The following PLEKHB1 variants were observed in gnomAD, a reference collection of about 807,000 sequenced individuals.
PLEKHB1 encodes the protein pleckstrin homology domain containing B1, also known as pleckstrin homology domain-containing family B member 1.
PLEKHB1 carries 29 observed loss-of-function variants against 36.2 expected under a neutral mutation model. The ratio of observed to expected loss-of-function variants is 0.80; its 90% confidence interval spans 0.60 to 1.09. PLEKHB1 has a LOEUF of 1.09. PLEKHB1 is among the 50% of genes least tolerant of loss of function. The pLI, the probability that PLEKHB1 is intolerant of heterozygous loss-of-function variation, is 0.00. For synonymous variants in PLEKHB1, 138 were observed against 140.0 expected (o/e 0.99, Z 0.10); for missense variants, 330 against 348.2 (o/e 0.95, Z 0.42).
chr11:73,648,806 C>A, intron 1 of PLEKHB1: 2 of 1,323,298 alleles, frequency 1.5e-6, no homozygotes, highest in Non-Finnish European at 1.9e-6. Context: ...CACCCCACAC[C>A]AATGGCTGCC....
At chr11:73,651,683 A>G in intron 3 of PLEKHB1, 105 bp from the exon 4 acceptor site, 2 of 869,068 alleles carry the variant, frequency 2.3e-6, no homozygotes, top group Admixed American at 2.1e-5. Context: ...GGCAGTGGCC[A>G]GTAAACAGAG....
Position 73,652,956 on chromosome 11 carries a change from G to T in PLEKHB1, c.351-19G>T. On this transcript the variant is annotated intron_variant, in intron 4 of 7. Transcript: ENST00000354190. ...CCCCCAAACTCCCTCCTCATGGTCT[G>T]GTGGGATTTGCTTTGCAGAGCATGG... is the stretch of plus-strand genomic sequence containing the variant. The T allele has an allele frequency of 6.2e-7, 1 of 1,603,242 alleles. No homozygotes were observed. Among genetic ancestry groups the T allele is most frequent in the East Asian group, 2.2e-5 (1 of 44,486 alleles).
intron 2 of PLEKHB1, 36 bp from the exon 3 acceptor site, chr11:73,650,517 G>T (rs1216544208): frequency 7.0e-6 from 11 of 1,571,460 alleles, no homozygotes; most frequent in Middle Eastern, 3.4e-4. Flanking sequence ...CAGGCTCTGG[G>T]ATCAGCCTGC....
In PLEKHB1 at chr11:73,661,611, A is replaced by T; in HGVS notation, c.*9A>T. On this transcript the variant is annotated 3_prime_UTR_variant, in exon 8 of 8. Transcript: ENST00000354190. This position sits in a 1 kb window ranked among gnomAD's most constrained non-coding sequence, Gnocchi z 4.6. ...CGCCCTGCTGGTTCTGAGCCCTGGG[A>T]CTCGGAGCACTGACCCCTGCGCTTG... The T allele has an allele frequency of 6.4e-7, 1 of 1,567,608 alleles. No homozygotes were observed. The highest frequency in any genetic ancestry group is 8.6e-7 in the Non-Finnish European group (1 of 1,158,878).
chr11:73,647,524 C>T (rs1281466717), intron 1 of PLEKHB1: 1 of 984,506 alleles, frequency 1.0e-6, no homozygotes, highest in Middle Eastern at 5.2e-4. Flanking sequence ...TCCCAGTACG[C>T]CTCGGGTCAG....
chr11:73,646,621 G>A lies in PLEKHB1; in HGVS notation c.13G>A (p.Ala5Thr), dbSNP rs934147454. ...CCACCCAGGAACCATGAGCCCTGCA[G>A]CCCCGGTAAGGAAGAGTTCTCTGGG... Reference protein sequence around the residue: MSPAAPVPPDSALES... With the variant: MSPATPVPPDSALES... The change falls in exon 1 of 8, where the codon GCC becomes ACC. Residue 5 changes from alanine (A) to threonine (T), a missense_variant. Ala to Thr is a moderately conservative substitution (Grantham distance 58). Coordinates refer to ENST00000354190, the MANE Select transcript of PLEKHB1 (RefSeq NM_021200.3). The A allele has an allele frequency of 1.5e-5, 23 of 1,551,420 alleles. No homozygotes were observed. In the African/African-American group the frequency reaches 3.1e-4, roughly 21 times the overall value.
chr11:73,661,724 T>C lies in PLEKHB1; in HGVS notation c.*122T>C. The C allele has an allele frequency of 7.7e-7, 1 of 1,292,752 alleles. No individual in the cohort carries two copies. Among genetic ancestry groups the C allele is most frequent in the South Asian group, 1.5e-5 (1 of 68,512 alleles). 80.1% of individuals were successfully genotyped at this position (1,292,752 alleles called of 1,614,324 possible). ...GGCCCTATCCTCTCCATTAGCTCCT[T>C]CCGGGTTTGGACCATTCCCCCCACT... is the stretch of plus-strand genomic sequence containing the variant. On this transcript the variant is annotated 3_prime_UTR_variant, in exon 8 of 8. Transcript: ENST00000354190. This position sits in a 1 kb window ranked among gnomAD's most constrained non-coding sequence, Gnocchi z 4.6.
intron 2 of PLEKHB1, among the ~76,000 whole-genome samples, chr11:73,649,466 C>T (rs139861161): frequency 1.1e-3 from 162 of 152,250 alleles, no homozygotes; most frequent in African/African-American, 3.6e-3. Context: ...CCCAGACTGG[C>T]CCCAGTCTGC....
intron 1 of PLEKHB1, chr11:73,647,848 G>C: frequency 1.0e-6 from 1 of 972,612 alleles, no homozygotes; most frequent in Non-Finnish European, 1.2e-6. Flanking sequence ...AACAGACAAG[G>C]CTGGGCCTTC....
At chr11:73,648,052 G>A (rs623653) in intron 1 of PLEKHB1, 808,308 of 918,660 alleles carry the variant, frequency 0.88, 355,993 homozygotes, top group African/African-American at 0.97. Flanking sequence ...ACAGGAGTAA[G>A]GATTCCCTTC....
At chr11:73,659,785 C>T (rs1365112187) in intron 6 of PLEKHB1, among the ~76,000 whole-genome samples, 5 of 152,172 alleles carry the variant, frequency 3.3e-5, no homozygotes, top group African/African-American at 9.7e-5. Context: ...ACTGACCATT[C>T]TCTGAGCCTC....
chr11:73,651,743 G>A, intron 3 of PLEKHB1, 45 bp from the exon 4 acceptor site: 2 of 1,506,342 alleles, frequency 1.3e-6, no homozygotes, highest in East Asian at 2.3e-5. Context: ...GGGGGGACCT[G>A]GGGCTTGTGC....
At position 73,660,860 on chromosome 11, in the gene PLEKHB1, TCCAGCGTGCCC is replaced by T; in HGVS notation, c.595+10_595+20del. 6.3e-7 allele frequency: 1 copy of T among 1,575,168 alleles called. No homozygotes were observed. The highest frequency in any genetic ancestry group is 8.6e-7 in the Non-Finnish European group (1 of 1,162,376). ...ACGGACCGCCCTACGCAGGTAAGTC[TCCAGCGTGCCC>T]CGGGGCTTGCCTCGATCCAGCACCG... On this transcript the variant is annotated intron_variant, in intron 7 of 7. Transcript: ENST00000354190.
intron 3 of PLEKHB1, 61 bp downstream of exon 3, chr11:73,650,766 C>G: frequency 6.8e-7 from 1 of 1,480,810 alleles, no homozygotes; most frequent in Middle Eastern, 1.8e-4. Flanking sequence ...CCGCTGTCTC[C>G]GAGAACACTT....
intron 2 of PLEKHB1, 90 bp from the exon 3 acceptor site, chr11:73,650,463 A>G (rs1412926760): frequency 5.0e-6 from 7 of 1,398,570 alleles, no homozygotes; most frequent in Non-Finnish European, 6.7e-6. Flanking sequence ...CTAGGGACTG[A>G]GGCTGAGGGG....
chr11:73,651,089 G>A (rs1486937834), intron 3 of PLEKHB1, among the ~76,000 whole-genome samples: 2 of 151,842 alleles, frequency 1.3e-5, no homozygotes, highest in Non-Finnish European at 2.9e-5. Context: ...ATTCAAGGCT[G>A]CAGTAAGCTA....
At chr11:73,649,390 C>T (rs544767499) in intron 2 of PLEKHB1, among the ~76,000 whole-genome samples, 1 of 152,238 alleles carries the variant, frequency 6.6e-6, no homozygotes, top group Admixed American at 6.5e-5. Flanking sequence ...CCTCGGTTTT[C>T]ACGGCGCCTT....
chr11:73,651,580 G>A, intron 3 of PLEKHB1: 1 of 659,982 alleles, frequency 1.5e-6, no homozygotes, highest in Non-Finnish European at 2.8e-6. Context: ...GTAACTGGGA[G>A]GTGTGCTGAG....
At position 73,646,695 on chromosome 11, in the gene PLEKHB1, A is replaced by G; in HGVS notation, c.18+69A>G. On this transcript the variant is annotated intron_variant, in intron 1 of 7. Transcript: ENST00000354190. ...GGTGGGCACCCTTGCCACATAGGGG[A>G]CGGGACAGAAGTCTTTTAGGCCCTG... is the stretch of plus-strand genomic sequence containing the variant. The G allele has an allele frequency of 3.3e-6, 5 of 1,511,818 alleles. No individual in the cohort carries two copies. The South Asian group carries it at 3.6e-5, about 11-fold the overall frequency. The allele number at this position is 1,511,818 out of a possible 1,614,324, so 93.7% of individuals were successfully genotyped here. A position where few individuals can be genotyped will look rare whatever the true frequency, so the allele number is the denominator to read the frequency against.
Sources: allele counts gnomAD v4.1 joint callset (sites outside exome capture counted in the v4.1 genomes callset), GRCh38; gene constraint gnomAD v4.1.1; non-coding constraint Gnocchi (gnomAD v3.1); transcripts MANE v1.5; gene names NCBI Gene and HGNC (gene_info 2026-07-23, HGNC 2026-07-21).